The following VPS45 variants were observed in gnomAD, a reference collection of about 807,000 sequenced individuals.
The protein encoded by VPS45 is vacuolar protein sorting 45 homolog.
In VPS45, 35 loss-of-function variants were observed where a neutral mutation model predicts 75.9. The observed-to-expected ratio is 0.46, with a 90% CI of 0.35 to 0.61. The LOEUF (loss-of-function observed/expected upper bound fraction) is 0.61, where lower values mean the gene tolerates loss of function less well. Ranked by LOEUF, VPS45 falls within the 20% of genes least tolerant of loss-of-function variation. The pLI is 0.00. For synonymous variants in VPS45, 220 were observed against 238.2 expected (o/e 0.92, Z 0.70); for missense variants, 559 against 685.9 (o/e 0.81, Z 2.07).
intron 14 of VPS45, among the ~76,000 whole-genome samples, chr1:150,130,198 CTTTTTT>C (rs34302545): frequency 1.2e-5 from 1 of 86,338 alleles, no homozygotes; most frequent in East Asian, 3.2e-4. Flanking sequence ...CACACACACA[CTTTTTT>C]TTTTTTTTTT....
rs782642755 is a variant in VPS45 at position 150,081,490 on chromosome 1, A to T, written c.822+14A>T. On this transcript the variant is annotated intron_variant, in intron 8 of 14. Transcript: ENST00000644510. ...TTCTATGCTAATGTAGGTGGTTTAA[A>T]TTTTTTTAAATTGTCTTTAGTTGTT... 16 of 1,592,532 alleles carry T rather than the reference A, an allele frequency of 1.0e-5. No homozygotes were observed. The highest frequency in any genetic ancestry group is 1.3e-5 in the Non-Finnish European group (15 of 1,174,800).
At chr1:150,137,466 C>G (rs1018399069) in intron 14 of VPS45, among the ~76,000 whole-genome samples, 1 of 152,170 alleles carries the variant, frequency 6.6e-6, no homozygotes, top group African/African-American at 2.4e-5. Context: ...GCCTTCTGTC[C>G]TGTCATAGGG....
chr1:150,077,716 G>A lies in VPS45; in HGVS notation c.624G>A (p.Glu208=), dbSNP rs782290162. ...AACTGTTTGAATTCCGTCGGACAGA[G>A]GTTCCTCCATTGCTCCTTATTTTAG... ...EYELFEFRRT[E]VPPLLLILDR... is the part of the protein sequence containing the mutation. Residue 208 remains glutamate (E), a synonymous_variant, in exon 7 of 15, where the codon GAG becomes GAA. Transcript: ENST00000644510. The A allele has an allele frequency of 6.2e-7, 1 of 1,614,042 alleles. No individual in the cohort carries two copies. The highest frequency in any genetic ancestry group is 2.2e-5 in the East Asian group (1 of 44,870).
intron 4 of VPS45, 62 bp downstream of exon 4, chr1:150,076,374 A>G (rs1655387126): frequency 7.4e-7 from 1 of 1,347,490 alleles, no homozygotes; most frequent in Non-Finnish European, 1.0e-6. Context: ...TTTGAGTCTA[A>G]AAATAAAAAA....
intron 14 of VPS45, among the ~76,000 whole-genome samples, chr1:150,113,759 G>C (rs992496823): frequency 4.6e-5 from 7 of 152,124 alleles, no homozygotes; most frequent in East Asian, 1.9e-4. Context: ...AGCCAGGCGT[G>C]GTGGCAGGCG....
At chr1:150,121,833 A>T (rs1658245311) in intron 14 of VPS45, among the ~76,000 whole-genome samples, 2 of 152,218 alleles carry the variant, frequency 1.3e-5, no homozygotes, top group Non-Finnish European at 2.9e-5. Flanking sequence ...GTGAAGCTTC[A>T]TTTTAATGCA....
At chr1:150,121,811 A>G (rs1296857913) in intron 14 of VPS45, among the ~76,000 whole-genome samples, 1 of 152,222 alleles carries the variant, frequency 6.6e-6, no homozygotes, top group Non-Finnish European at 1.5e-5. Context: ...TAAAACAAAG[A>G]TCCTAACCCT....
intron 10 of VPS45, among the ~76,000 whole-genome samples, chr1:150,085,130 G>A (rs1655936235): frequency 1.3e-5 from 2 of 152,026 alleles, no homozygotes; most frequent in Non-Finnish European, 2.9e-5. Flanking sequence ...TTTTATAGTT[G>A]TTTTGTGGGC....
rs144029246 is a variant in VPS45, at chr1:150,089,658, G to A, written c.1105-2279G>A. Among the ~76,000 whole-genome samples, 10 of 152,142 alleles carry A rather than the reference G, an allele frequency of 6.6e-5. No homozygotes were observed. In the East Asian group the frequency reaches 1.7e-3, roughly 26 times the overall value. ...ATTACAGGTGTAAGCCATGGCACCC[G>A]GCCCCCAACAGGATTTCTTAATGTT... is the stretch of plus-strand genomic sequence containing the variant. On this transcript the variant is annotated intron_variant, in intron 10 of 14. Coordinates refer to ENST00000644510, the MANE Select transcript of VPS45 (RefSeq NM_007259.5).
At chr1:150,082,382 T>C (rs1417625651) in intron 9 of VPS45, among the ~76,000 whole-genome samples, 1 of 152,074 alleles carries the variant, frequency 6.6e-6, no homozygotes, top group African/African-American at 2.4e-5. Flanking sequence ...GGCGCATGCC[T>C]GTAATCCCAG....
At chr1:150,074,508 A>G (rs1197390115) in intron 3 of VPS45, among the ~76,000 whole-genome samples, 3 of 152,206 alleles carry the variant, frequency 2.0e-5, no homozygotes, top group African/African-American at 7.2e-5. Flanking sequence ...TGGCTATTAC[A>G]AATAAAGCTG....
intron 10 of VPS45, among the ~76,000 whole-genome samples, chr1:150,085,266 C>T (rs1056019828): frequency 3.9e-5 from 6 of 151,998 alleles, no homozygotes; most frequent in Non-Finnish European, 8.8e-5. Context: ...TGATTTTTCC[C>T]TTGAAAACAG....
At chr1:150,078,837 C>T (rs1346986957) in intron 7 of VPS45, among the ~76,000 whole-genome samples, 5 of 151,560 alleles carry the variant, frequency 3.3e-5, no homozygotes, top group African/African-American at 7.3e-5. Context: ...GAGCCGGGCG[C>T]GGTGACTCAC....
At chr1:150,090,880 T>A (rs1656290215) in intron 10 of VPS45, among the ~76,000 whole-genome samples, 1 of 152,232 alleles carries the variant, frequency 6.6e-6, no homozygotes, top group Non-Finnish European at 1.5e-5. Context: ...CCTTTCCCCA[T>A]ATAGCATAAC....
intron 14 of VPS45, among the ~76,000 whole-genome samples, chr1:150,115,806 ATC>A (rs1464365754): frequency 6.6e-6 from 1 of 152,088 alleles, no homozygotes; most frequent in Non-Finnish European, 1.5e-5. Flanking sequence ...TTACATGGAA[ATC>A]TCAATTTTGA....
rs587746774 is a variant in VPS45, at chr1:150,117,343, G to A, written c.1625+6716G>A. Among the ~76,000 whole-genome samples, 64 of 150,450 alleles carry A rather than the reference G, an allele frequency of 4.3e-4. 3 individuals carry two copies. The South Asian group carries it at 0.012, about 27-fold the overall frequency. On this transcript the variant is annotated intron_variant, in intron 14 of 14. Coordinates refer to ENST00000644510, the MANE Select transcript of VPS45 (RefSeq NM_007259.5). ...TTGAGAGGAGCCTGGCCAACATGGG[G>A]AAACCCCATCTCTACTAAAAATACA...
intron 14 of VPS45, among the ~76,000 whole-genome samples, chr1:150,113,902 A>G: frequency 6.6e-6 from 1 of 152,074 alleles, no homozygotes; most frequent in Non-Finnish European, 1.5e-5. Flanking sequence ...CTCAAAGAAA[A>G]AAAGAAGAAG....
chr1:150,141,815 T>C (rs1553815348), intron 14 of VPS45, among the ~76,000 whole-genome samples: 2 of 152,018 alleles, frequency 1.3e-5, no homozygotes, highest in Non-Finnish European at 2.9e-5. Context: ...TTTGTACACC[T>C]AGTTCAACAC....
chr1:150,071,936 G>A (rs1192774413), intron 2 of VPS45, among the ~76,000 whole-genome samples: 1 of 151,894 alleles, frequency 6.6e-6, no homozygotes, highest in Non-Finnish European at 1.5e-5. Flanking sequence ...AAATGCAGCT[G>A]GTTAATATTT....
Sources: allele counts gnomAD v4.1 joint callset (sites outside exome capture counted in the v4.1 genomes callset), GRCh38; gene constraint gnomAD v4.1.1; transcripts MANE v1.5; gene names NCBI Gene and HGNC (gene_info 2026-07-23, HGNC 2026-07-21).